RBPMS: variants seen among roughly 807,000 people sequenced by gnomAD.
The protein encoded by RBPMS is RNA-binding protein with multiple splicing.
In RBPMS, 7 loss-of-function variants were observed where a neutral mutation model predicts 26.8. The ratio of observed to expected loss-of-function variants is 0.26; its 90% confidence interval spans 0.15 to 0.49. The LOEUF is 0.49. Among genes scored for constraint, RBPMS ranks in the 20% least tolerant of loss-of-function variants. The pLI is 0.98. For missense variants in RBPMS, 186 were observed against 250.0 expected (o/e 0.74, Z 1.73); for synonymous variants, 96 against 93.3 (o/e 1.03, Z -0.17).
At chr8:30,464,784 A>G (rs1338424105) in intron 1 of RBPMS, among the ~76,000 whole-genome samples, 1 of 152,178 alleles carries the variant, frequency 6.6e-6, no homozygotes, top group Non-Finnish European at 1.5e-5. Context: ...TAGAATTTTG[A>G]TAAGATCTTT....
chr8:30,429,588 A>G (rs555113640), intron 1 of RBPMS, among the ~76,000 whole-genome samples: 1 of 152,310 alleles, frequency 6.6e-6, no homozygotes, highest in Non-Finnish European at 1.5e-5. Context: ...ATCAAGGTCT[A>G]GCCAATTACA....
At chr8:30,418,088 T>C (rs1810312029) in intron 1 of RBPMS, among the ~76,000 whole-genome samples, 2 of 152,206 alleles carry the variant, frequency 1.3e-5, no homozygotes, top group African/African-American at 2.4e-5. Flanking sequence ...TTCTAGAACT[T>C]GTTTAATATT....
chr8:30,493,696 G>A (rs1179017221), intron 4 of RBPMS, among the ~76,000 whole-genome samples: 2 of 152,136 alleles, frequency 1.3e-5, no homozygotes, highest in Non-Finnish European at 2.9e-5. Context: ...GTTAGAAACA[G>A]CCCTTTCCTA....
intron 6 of RBPMS, among the ~76,000 whole-genome samples, chr8:30,547,904 C>A (rs547464956): frequency 1.3e-5 from 2 of 152,320 alleles, no homozygotes; most frequent in Non-Finnish European, 2.9e-5. Context: ...GAAGTTGAGT[C>A]ACATTTCTAG....
intron 1 of RBPMS, among the ~76,000 whole-genome samples, chr8:30,457,966 T>C (rs753128262): frequency 2.6e-5 from 4 of 152,142 alleles, no homozygotes; most frequent in African/African-American, 4.8e-5. Context: ...CATCCCTCAG[T>C]ATTTGTGGGG....
intron 1 of RBPMS, among the ~76,000 whole-genome samples, chr8:30,447,384 A>C (rs1024891165): frequency 3.3e-5 from 5 of 152,222 alleles, no homozygotes; most frequent in African/African-American, 4.8e-5. Flanking sequence ...AAAATAGAGA[A>C]TATATTAGAG....
intron 6 of RBPMS, chr8:30,547,519 A>G (rs1251205427): frequency 2.0e-6 from 3 of 1,497,392 alleles, no homozygotes; most frequent in Non-Finnish European, 2.7e-6. Context: ...GCAAAAATGA[A>G]CTCAAGTAGA....
chr8:30,507,962 T>G (rs1821230087), intron 5 of RBPMS, among the ~76,000 whole-genome samples: 1 of 152,164 alleles, frequency 6.6e-6, no homozygotes, highest in African/African-American at 2.4e-5. Context: ...GTTAACACTG[T>G]CAGTAAGTGT....
intron 4 of RBPMS, among the ~76,000 whole-genome samples, chr8:30,500,618 T>G (rs188483432): frequency 2.6e-3 from 395 of 152,288 alleles, no homozygotes; most frequent in Non-Finnish European, 4.2e-3. Flanking sequence ...GACAGGAATT[T>G]GGAGACTTTT....
intron 5 of RBPMS, among the ~76,000 whole-genome samples, chr8:30,543,215 G>T (rs1825566631): frequency 6.6e-6 from 1 of 152,208 alleles, no homozygotes; most frequent in African/African-American, 2.4e-5. Context: ...CCTGAGAGAA[G>T]CTCGTGCCAT....
intron 1 of RBPMS, among the ~76,000 whole-genome samples, chr8:30,454,244 CTTGA>C (rs1210751255): frequency 6.6e-6 from 1 of 152,164 alleles, no homozygotes; most frequent in Non-Finnish European, 1.5e-5. Flanking sequence ...TGTAAGCATA[CTTGA>C]TTAACGAGTA....
intron 4 of RBPMS, among the ~76,000 whole-genome samples, chr8:30,496,357 C>T (rs1471772431): frequency 2.0e-5 from 3 of 151,920 alleles, no homozygotes; most frequent in Admixed American, 1.3e-4. Flanking sequence ...TTTAGTAGAG[C>T]GGGGGTTTCA....
At chr8:30,547,173 G>A (rs1435292549) in intron 6 of RBPMS, 1 of 737,700 alleles carries the variant, frequency 1.4e-6, no homozygotes, top group African/African-American at 1.8e-5. Context: ...TCCCCATATT[G>A]GAGAATTCAG....
At chr8:30,546,979 T>C (rs945373419) in intron 6 of RBPMS, among the ~76,000 whole-genome samples, 1 of 152,164 alleles carries the variant, frequency 6.6e-6, no homozygotes, top group Non-Finnish European at 1.5e-5. Context: ...TATTCTTTAA[T>C]GGAATTTTGG....
Position 30,388,429 on chromosome 8 carries a change from A to T in RBPMS, c.66+3271A>T, listed in dbSNP as rs555189802. Among the ~76,000 whole-genome samples the T allele has an allele frequency of 4.6e-3, 665 of 145,564 alleles. 2 individuals carry two copies. Among genetic ancestry groups the T allele is most frequent in the Non-Finnish European group, 7.2e-3 (471 of 65,430 alleles). On this transcript the variant is annotated intron_variant, in intron 1 of 8. Transcript: ENST00000397323. Reference sequence around the variant, plus strand: ...AACTTATAGCTATAGCTATAAGCTAACTTATAACTTATAGCTATAGCTATA... The same window carrying T: ...AACTTATAGCTATAGCTATAAGCTATCTTATAACTTATAGCTATAGCTATA...
intron 5 of RBPMS, among the ~76,000 whole-genome samples, chr8:30,514,769 A>T (rs146929778): frequency 0.021 from 2,940 of 138,446 alleles, 101 homozygotes; most frequent in African/African-American, 0.077. Context: ...CAAGTGATCC[A>T]CCCACCTTGG....
At chr8:30,530,930 A>G (rs2151011518) in intron 5 of RBPMS, among the ~76,000 whole-genome samples, 1 of 152,212 alleles carries the variant, frequency 6.6e-6, no homozygotes, top group East Asian at 1.9e-4. Context: ...CTACCTACCA[A>G]AACATTATAC....
rs569426221 is a variant in RBPMS, at chr8:30,480,951, A to G, written c.246+1574A>G. Among the ~76,000 whole-genome samples, 200 of 152,348 alleles carry G rather than the reference A, an allele frequency of 1.3e-3. 2 individuals are homozygous for G. The highest frequency in any genetic ancestry group is 0.012 in the South Asian group (58 of 4,830). On this transcript the variant is annotated intron_variant, in intron 4 of 8. Coordinates refer to ENST00000397323, the MANE Select transcript of RBPMS (RefSeq NM_001008710.3). ...TTACAAAGGAAGTAACAAGCAGTTGAAGCTTCACAGACTTGGCTCTCATTG... is the reference window on the plus strand; with the variant it reads ...TTACAAAGGAAGTAACAAGCAGTTGGAGCTTCACAGACTTGGCTCTCATTG...
At chr8:30,465,042 G>C (rs1348116479) in intron 1 of RBPMS, among the ~76,000 whole-genome samples, 3 of 152,210 alleles carry the variant, frequency 2.0e-5, no homozygotes, top group African/African-American at 7.2e-5. Context: ...GACTAGGGTT[G>C]AAATAGAGCA....
Sources: gnomAD v4.1 joint callset for allele counts (sites outside exome capture counted in the v4.1 genomes callset) on GRCh38, gnomAD v4.1.1 for gene constraint, MANE v1.5 for transcripts, NCBI Gene and HGNC (gene_info 2026-07-23, HGNC 2026-07-21) for gene names.